Variants in PBX1 observed in about 807,000 individuals in gnomAD.
PBX1 encodes the protein pre-B-cell leukemia transcription factor 1.
In PBX1, 6 loss-of-function variants were observed where a neutral mutation model predicts 53.4. That is an observed-to-expected ratio of 0.11 (90% CI 0.06 to 0.22). The LOEUF is 0.22. PBX1 is among the 10% of genes least tolerant of loss of function. PBX1 has a pLI of 1.00. For synonymous variants in PBX1, 204 were observed against 212.3 expected, an observed-to-expected ratio of 0.96 and a Z score of 0.34; for missense variants, 251 against 551.4, an observed-to-expected ratio of 0.46 and a Z score of 5.46.
chr1:164,589,642 T>C (rs1655220521), intron 2 of PBX1, among the ~76,000 whole-genome samples: 1 of 152,192 alleles, frequency 6.6e-6, no homozygotes, highest in Non-Finnish European at 1.5e-5. Flanking sequence ...TTGGCTGTAA[T>C]GCCTGCTCAT....
intron 2 of PBX1, among the ~76,000 whole-genome samples, chr1:164,786,438 T>C (rs1328466812): frequency 6.6e-6 from 1 of 152,078 alleles, no homozygotes. Context: ...GATTTTGAGC[T>C]GAGATTTAAA....
chr1:164,674,091 C>T (rs1661286600), intron 2 of PBX1, among the ~76,000 whole-genome samples: 1 of 152,198 alleles, frequency 6.6e-6, no homozygotes, highest in Non-Finnish European at 1.5e-5. Context: ...TGGCCGTTCA[C>T]CAGGTGTCAG....
chr1:164,672,176 T>C (rs1036135227), intron 2 of PBX1, among the ~76,000 whole-genome samples: 4 of 152,032 alleles, frequency 2.6e-5, no homozygotes, highest in Non-Finnish European at 4.4e-5. Flanking sequence ...TGTCTCTACA[T>C]AGATACTCAT....
chr1:164,731,390 T>C (rs927526872), intron 2 of PBX1, among the ~76,000 whole-genome samples: 2 of 152,160 alleles, frequency 1.3e-5, no homozygotes, highest in Non-Finnish European at 2.9e-5. Context: ...TATTTATATT[T>C]TTGTTTGTTA....
intron 2 of PBX1, among the ~76,000 whole-genome samples, chr1:164,638,243 T>G (rs1658904067): frequency 6.6e-6 from 1 of 152,242 alleles, no homozygotes; most frequent in Admixed American, 6.5e-5. Context: ...TCTTCCTGTT[T>G]GGTCTGCTGG....
At chr1:164,624,090 A>G (rs960328094) in intron 2 of PBX1, among the ~76,000 whole-genome samples, 1 of 152,164 alleles carries the variant, frequency 6.6e-6, no homozygotes, top group Non-Finnish European at 1.5e-5. Context: ...TCATCATTCC[A>G]CTGTCCTAAA....
intron 2 of PBX1, among the ~76,000 whole-genome samples, chr1:164,666,782 AAGT>A (rs1237057198): frequency 3.9e-5 from 6 of 152,224 alleles, no homozygotes; most frequent in African/African-American, 1.4e-4. Flanking sequence ...AAAGGAAAAA[AAGT>A]AGTAAAAATA....
chr1:164,856,648 T>G (rs375577796), downstream of PBX1, among the ~76,000 whole-genome samples: 38 of 152,288 alleles, frequency 2.5e-4, no homozygotes, highest in South Asian at 4.3e-3. Context: ...TAGAGCCCAT[T>G]TCCTATGCTA....
intron 5 of PBX1, 142 bp from the exon 6 acceptor site, chr1:164,811,848 T>A (rs1419747450): frequency 8.7e-6 from 4 of 459,700 alleles, no homozygotes; most frequent in Non-Finnish European, 1.4e-5. Flanking sequence ...ACTTCAGATC[T>A]TTTTACTGAT....
At chr1:164,651,827 T>A (rs1659840600) in intron 2 of PBX1, 1 of 152,518 alleles carries the variant, frequency 6.6e-6, no homozygotes, top group Non-Finnish European at 1.5e-5. Context: ...GGTTTGTTGC[T>A]TTTTCCTCGT....
chr1:164,676,254 T>G (rs1460329627), intron 2 of PBX1, among the ~76,000 whole-genome samples: 1 of 152,074 alleles, frequency 6.6e-6, no homozygotes, highest in African/African-American at 2.4e-5. Context: ...ATTTAATTCC[T>G]TCTGTTTTCA....
At chr1:164,663,458 A>G (rs1660630536) in intron 2 of PBX1, among the ~76,000 whole-genome samples, 4 of 152,206 alleles carry the variant, frequency 2.6e-5, no homozygotes, top group Admixed American at 2.6e-4. Context: ...ATTACTGTTC[A>G]TGATACGTAG....
intron 2 of PBX1, among the ~76,000 whole-genome samples, chr1:164,733,292 C>T (rs1012122088): frequency 6.6e-6 from 1 of 152,148 alleles, no homozygotes; most frequent in Non-Finnish European, 1.5e-5. Context: ...GTGACTCATT[C>T]ATTGTTGTAT....
chr1:164,785,323 A>C (rs1668122759), intron 2 of PBX1, among the ~76,000 whole-genome samples: 1 of 152,244 alleles, frequency 6.6e-6, no homozygotes, highest in South Asian at 2.1e-4. Context: ...GAGATTGAGA[A>C]TAAGGAGTGA....
At chr1:164,806,651 A>G (rs1229258145) in intron 4 of PBX1, among the ~76,000 whole-genome samples, 1 of 152,242 alleles carries the variant, frequency 6.6e-6, no homozygotes, top group African/African-American at 2.4e-5. Context: ...TCTGTTACAT[A>G]CCAGCCAAGT....
chr1:164,806,152 A>C (rs938229096), intron 4 of PBX1, among the ~76,000 whole-genome samples: 1 of 152,172 alleles, frequency 6.6e-6, no homozygotes, highest in East Asian at 1.9e-4. Flanking sequence ...AGGCCACACA[A>C]CTTCAAGGAG....
intron 2 of PBX1, among the ~76,000 whole-genome samples, chr1:164,885,880 A>G (rs1672765185): frequency 6.6e-6 from 1 of 152,006 alleles, no homozygotes; most frequent in African/African-American, 2.4e-5. Flanking sequence ...TTTCCTTAGC[A>G]CTCAATACCT....
Position 164,559,898 on chromosome 1 carries a change from T to C in PBX1, c.76T>C (p.Leu26=). ...MAGHPGLSQH[L]QDGAGGTEGE... is the part of the protein sequence containing the mutation. ...CGGACACCCCGGCCTGTCCCAGCACTTGCAGGATGGGGCCGGAGGGACCGA... is the reference window on the plus strand; with the variant it reads ...CGGACACCCCGGCCTGTCCCAGCACCTGCAGGATGGGGCCGGAGGGACCGA... Residue 26 remains leucine (L), a synonymous_variant, in exon 1 of 9, where the codon TTG becomes CTG. Transcript: ENST00000420696. The C allele has an allele frequency of 3.9e-6, 6 of 1,550,474 alleles. No homozygotes were observed. Among genetic ancestry groups the C allele is most frequent in the Non-Finnish European group, 5.2e-6 (6 of 1,146,518 alleles).
chr1:164,783,477 C>T (rs555555281), intron 2 of PBX1, among the ~76,000 whole-genome samples: 3 of 152,132 alleles, frequency 2.0e-5, no homozygotes, highest in African/African-American at 7.2e-5. Flanking sequence ...ATTCCTAACG[C>T]GCAGAAAAAC....
Sources: allele counts gnomAD v4.1 joint callset (sites outside exome capture counted in the v4.1 genomes callset), GRCh38; gene constraint gnomAD v4.1.1; transcripts MANE v1.5; gene names NCBI Gene and HGNC (gene_info 2026-07-23, HGNC 2026-07-21).